Variants in FRY observed in about 807,000 individuals in gnomAD.
FRY encodes the protein protein furry homolog.
Under a neutral mutation model 348.4 loss-of-function variants are expected in FRY, and 128 were observed. The ratio of observed to expected loss-of-function variants is 0.37; its 90% CI spans 0.32 to 0.43. The LOEUF (loss-of-function observed/expected upper bound fraction) is 0.43. Among genes scored for constraint, FRY ranks in the 20% least tolerant of loss-of-function variants. The pLI is 1.00. For missense variants in FRY, 2,736 were observed against 3,695.2 expected, an observed-to-expected ratio of 0.74 and a Z score of 6.73; for synonymous variants, 1,370 against 1,374.7, an observed-to-expected ratio of 1.00 and a Z score of 0.08.
chr13:32,203,577 G>T (rs1007915099), intron 31 of FRY, among the ~76,000 whole-genome samples: 8 of 152,136 alleles, frequency 5.3e-5, no homozygotes, highest in Non-Finnish European at 1.0e-4. Context: ...ACAAAAATTA[G>T]CTGGGCATGG....
intron 1 of FRY, among the ~76,000 whole-genome samples, chr13:32,066,137 T>C (rs922808435): frequency 2.6e-5 from 4 of 152,168 alleles, no homozygotes; most frequent in African/African-American, 9.7e-5. Context: ...TAAATCGGGG[T>C]TCAAACAAGG....
chr13:32,077,585 G>C (rs141027366), intron 1 of FRY, among the ~76,000 whole-genome samples: 2 of 152,180 alleles, frequency 1.3e-5, no homozygotes, highest in African/African-American at 2.4e-5. Flanking sequence ...AGGGAGAGTC[G>C]TCTGTGTAAC....
At chr13:32,154,583 C>T (rs1880990912) in intron 14 of FRY, among the ~76,000 whole-genome samples, 1 of 152,156 alleles carries the variant, frequency 6.6e-6, no homozygotes, top group Admixed American at 6.5e-5. Flanking sequence ...GGAATACCTT[C>T]CTTATATGAC....
intron 1 of FRY, among the ~76,000 whole-genome samples, chr13:32,039,654 G>A (rs1010297067): frequency 6.6e-6 from 1 of 152,132 alleles, no homozygotes; most frequent in African/African-American, 2.4e-5. Flanking sequence ...CAGATGCTAA[G>A]CAGTGAAAGT....
At chr13:32,280,354 T>C (rs966193496) in intron 58 of FRY, among the ~76,000 whole-genome samples, 1 of 152,212 alleles carries the variant, frequency 6.6e-6, no homozygotes, top group African/African-American at 2.4e-5. Context: ...TCCCTATATA[T>C]GCATCTGTGA....
At chr13:32,275,390 A>G (rs1183503099) in intron 56 of FRY, among the ~76,000 whole-genome samples, 1 of 152,154 alleles carries the variant, frequency 6.6e-6, no homozygotes, top group Admixed American at 6.5e-5. Context: ...TCTGTCTCAA[A>G]AAATAAAAAA....
chr13:32,155,753 A>C, intron 15 of FRY, 91 bp downstream of exon 15: 16 of 825,766 alleles, frequency 1.9e-5, no homozygotes, highest in Admixed American at 2.7e-5. Context: ...AGTTTTTAAA[A>C]ATCTTTATAG....
At chr13:32,200,636 C>T (rs919167360) in intron 29 of FRY, among the ~76,000 whole-genome samples, 1 of 152,188 alleles carries the variant, frequency 6.6e-6, no homozygotes, top group Non-Finnish European at 1.5e-5. Context: ...GAGTTTTCTA[C>T]TTACGACTTC....
rs748037214 is a variant in FRY at position 32,078,807 on chromosome 13, A to G, written c.71-27A>G. 1.5e-5 allele frequency: 23 copies of G among 1,538,132 alleles called. No individual in the cohort carries two copies. In the Middle Eastern group the frequency reaches 7.2e-4, roughly 48 times the overall value. On this transcript the variant is annotated intron_variant, in intron 1 of 60. Transcript: ENST00000542859. ...AATATTTATGACATTATTATCAGCCAGTAAGAATGCCCATTCTGTTTTTCA... is the reference window on the plus strand; with the variant it reads ...AATATTTATGACATTATTATCAGCCGGTAAGAATGCCCATTCTGTTTTTCA...
At chr13:32,068,942 G>T (rs1483980452) in intron 1 of FRY, among the ~76,000 whole-genome samples, 4 of 117,704 alleles carry the variant, frequency 3.4e-5, no homozygotes, top group East Asian at 2.7e-4. Context: ...TTGAGACTGA[G>T]TCTCGCTCTG....
chr13:32,102,527 C>G (rs1008839438), intron 3 of FRY, among the ~76,000 whole-genome samples: 12 of 152,026 alleles, frequency 7.9e-5, no homozygotes, highest in Non-Finnish European at 1.5e-4. Flanking sequence ...AAAGATACTA[C>G]CTCAAAATAA....
intron 55 of FRY, among the ~76,000 whole-genome samples, chr13:32,274,518 C>T (rs1026915833): frequency 4.6e-5 from 7 of 151,746 alleles, no homozygotes; most frequent in East Asian, 1.9e-4. Context: ...TCCTGGCTAA[C>T]ACAGTGAAAC....
intron 3 of FRY, among the ~76,000 whole-genome samples, chr13:32,103,763 G>A (rs1045591700): frequency 1.3e-5 from 2 of 152,040 alleles, no homozygotes; most frequent in African/African-American, 2.4e-5. Context: ...CCAAGAGTTC[G>A]AGACCAGACT....
At chr13:32,062,186 A>G (rs540168788) in intron 1 of FRY, among the ~76,000 whole-genome samples, 1 of 151,542 alleles carries the variant, frequency 6.6e-6, no homozygotes, top group African/African-American at 2.4e-5. Context: ...TTTTCCTCCC[A>G]AGGAATTTTT....
In FRY at chr13:32,267,113, C is replaced by T. The variant is rs542837497; in HGVS notation, c.7947-57C>T. On this transcript the variant is annotated intron_variant, in intron 54 of 60. Transcript: ENST00000542859. ...CTCTCAGGGTGAGAATTTATAAAAC[C>T]CAGTATAGGATGAGAAGGACATCAC... 8.8e-6 allele frequency: 13 copies of T among 1,474,380 alleles called. No individual in the cohort carries two copies. In the African/African-American group the frequency reaches 1.4e-4, roughly 16 times the overall value. The allele number at this position is 1,474,380 out of a possible 1,614,324, so 91.3% of individuals were successfully genotyped here.
At chr13:32,120,964 T>A (rs1403326866) in intron 4 of FRY, among the ~76,000 whole-genome samples, 1 of 152,204 alleles carries the variant, frequency 6.6e-6, no homozygotes, top group African/African-American at 2.4e-5. Context: ...CCAGCCCACA[T>A]TGTATCATTC....
intron 1 of FRY, among the ~76,000 whole-genome samples, chr13:32,058,371 G>T (rs1873755520): frequency 6.6e-6 from 1 of 152,134 alleles, no homozygotes; most frequent in Non-Finnish European, 1.5e-5. Flanking sequence ...ACATCTAAAT[G>T]AATTCAGATC....
At chr13:32,218,147 A>G (rs1202362344) in intron 35 of FRY, among the ~76,000 whole-genome samples, 4 of 152,220 alleles carry the variant, frequency 2.6e-5, no homozygotes, top group South Asian at 2.1e-4. Context: ...GTTATTCAGT[A>G]TCATGCCCAT....
intron 28 of FRY, among the ~76,000 whole-genome samples, chr13:32,190,103 A>T (rs1439526575): frequency 1.3e-5 from 2 of 151,964 alleles, no homozygotes; most frequent in Non-Finnish European, 2.9e-5. Flanking sequence ...ACATTTATTC[A>T]TGAGAAAAAC....
Sources: allele counts gnomAD v4.1 joint callset (sites outside exome capture counted in the v4.1 genomes callset), GRCh38; gene constraint gnomAD v4.1.1; transcripts MANE v1.5; gene names NCBI Gene and HGNC (gene_info 2026-07-23, HGNC 2026-07-21).